Variants in TCF15 observed in about 807,000 individuals in gnomAD.
The protein encoded by TCF15 is TCF-15.
TCF15 carries 7 observed loss-of-function variants against 11.1 expected under a neutral mutation model. That is an observed-to-expected ratio of 0.63 (90% CI 0.36 to 1.19). TCF15 has a LOEUF of 1.19. Among genes scored for constraint, TCF15 ranks in the 50% most tolerant of loss-of-function variants. TCF15 has a pLI of 0.02. For synonymous variants in TCF15, 144 were observed against 138.9 expected (o/e 1.04, Z -0.26); for missense variants, 288 against 289.4 (o/e 1.00, Z 0.03).
chr20:609,692 C>A lies in TCF15; in HGVS notation c.525+21G>T, dbSNP rs2020005511. 7.5e-7 allele frequency: 1 copy of A among 1,339,280 alleles called. No individual in the cohort carries two copies. Among genetic ancestry groups the A allele is most frequent in the Non-Finnish European group, 9.5e-7 (1 of 1,053,512 alleles). The allele number at this position is 1,339,280 out of a possible 1,614,324, so 83.0% of individuals were successfully genotyped here. A position where few individuals can be genotyped will look rare whatever the true frequency, so the allele number is the denominator to read the frequency against. On this transcript the variant is annotated intron_variant, in intron 1 of 1. Transcript: ENST00000246080. The surrounding 1 kb of genome is among the most constrained non-coding windows in gnomAD (Gnocchi z 4.7). ...GCCTACCCCGACCTGGCGGCCGCAG[C>A]GAGGGACGCAGCACACTCACCCCCT...
Position 610,039 on chromosome 20 carries a change from G to C in TCF15, c.199C>G (p.Pro67Ala), listed in dbSNP as rs752704465. ...RRAGGGGGAGPVVVVRQRQAA... is the reference protein window; with the variant it reads ...RRAGGGGGAGAVVVVRQRQAA... ...TGCCGCTGTCGCACCACCACCACGG[G>C]GCCCGCGCCGCCGCCGCCGCCCGCC... Residue 67 changes from proline to alanine, a missense_variant, in exon 1 of 2, where the codon CCC becomes GCC. Coordinates refer to ENST00000246080, the MANE Select transcript of TCF15 (RefSeq NM_004609.4). 15 of 1,188,422 alleles carry C rather than the reference G, an allele frequency of 1.3e-5. 1 individual carries two copies. In the African/African-American group the frequency reaches 2.1e-4, roughly 17 times the overall value. 73.6% of individuals were successfully genotyped at this position (1,188,422 alleles called of 1,614,324 possible). A position where few individuals can be genotyped will look rare whatever the true frequency, so the allele number is the denominator to read the frequency against.
At position 609,759 on chromosome 20, in the gene TCF15, TG is replaced by T; in HGVS notation, c.478del (p.Gln160SerfsTer27). On this transcript the variant is annotated frameshift_variant, in exon 1 of 2. Transcript: ENST00000246080. LOFTEE classifies it high-confidence loss of function. The surrounding 1 kb of genome is among the most constrained non-coding windows in gnomAD (Gnocchi z 4.7). ...GCAGAAGGTGCAGATGGAGCGCGGC[TG>T]GCGGCCGCCGTCGGCGGCGGCGGGG... is the stretch of plus-strand genomic sequence containing the variant. The part of the protein sequence containing the change: ...AVPAAADGGR[Q>X]PRSICTFCLS... 1 of 1,405,292 alleles carries T rather than the reference TG, an allele frequency of 7.1e-7. No homozygotes were observed. The highest frequency in any genetic ancestry group is 1.6e-5 in the South Asian group (1 of 63,112). The allele number at this position is 1,405,292 out of a possible 1,614,324, so 87.1% of individuals were successfully genotyped here.
At position 609,888 on chromosome 20, in the gene TCF15, G is replaced by T; in HGVS notation, c.350C>A (p.Ala117Glu). Residue 117 changes from alanine (A) to glutamate (E), a missense_variant, in exon 1 of 2, where the codon GCG becomes GAG. Coordinates refer to ENST00000246080, the MANE Select transcript of TCF15 (RefSeq NM_004609.4). This position sits in a 1 kb window ranked among gnomAD's most constrained non-coding sequence, Gnocchi z 4.7. ...KLSKIETVRL[A>E]SSYIAHLANV... ...GGCCAGGTGCGCGATGTAGCTGGAC[G>T]CCAGGCGCACGGTCTCGATCTTGGA... 1 of 1,527,712 alleles carries T rather than the reference G, an allele frequency of 6.5e-7. No individual in the cohort carries two copies. Among genetic ancestry groups the T allele is most frequent in the Non-Finnish European group, 8.7e-7 (1 of 1,148,128 alleles). 94.6% of individuals were successfully genotyped at this position (1,527,712 alleles called of 1,614,324 possible). A position where few individuals can be genotyped will look rare whatever the true frequency, so the allele number is the denominator to read the frequency against.
At chr20:606,359 G>C (rs2019974956) in intron 1 of TCF15, among the ~76,000 whole-genome samples, 1 of 152,156 alleles carries the variant, frequency 6.6e-6, no homozygotes, top group South Asian at 2.1e-4. Flanking sequence ...CCCAAGTCTG[G>C]AGGTCAGCTG....
intron 1 of TCF15, among the ~76,000 whole-genome samples, chr20:607,114 T>G (rs1329484698): frequency 6.6e-6 from 1 of 152,198 alleles, no homozygotes. Context: ...TAAATGTTCA[T>G]AAGTATTATT....
chr20:607,472 C>G (rs550046900), intron 1 of TCF15, among the ~76,000 whole-genome samples: 10 of 152,346 alleles, frequency 6.6e-5, no homozygotes, highest in Admixed American at 3.3e-4. Flanking sequence ...GCAAGAGCTC[C>G]CCAAGCCAGC....
chr20:609,845 G>T lies in TCF15; in HGVS notation c.393C>A (p.Gly131=). The T allele has an allele frequency of 6.5e-7, 1 of 1,527,072 alleles. No individual in the cohort carries two copies. The allele number at this position is 1,527,072 out of a possible 1,614,324, so 94.6% of individuals were successfully genotyped here. ...ACGGCTGCCCGTCGTCGGCCGAGTC[G>T]CCCAGCAGCAGCACGTTGGCCAGGT... ...IAHLANVLLL[G]DSADDGQPCF... Residue 131 remains glycine (G), a synonymous_variant, in exon 1 of 2, where the codon GGC becomes GGA. Coordinates refer to ENST00000246080, the MANE Select transcript of TCF15 (RefSeq NM_004609.4). The surrounding 1 kb of genome is among the most constrained non-coding windows in gnomAD (Gnocchi z 4.7).
At position 607,413 on chromosome 20, in the gene TCF15, C is replaced by T. The variant is rs75719720; in HGVS notation, c.525+2300G>A. ...GAGGTGGTGGCTCAGGGTAAAGGAA[C>T]GGGGTCTTGGGTCTTAAAGCTCTTC... On this transcript the variant is annotated intron_variant, in intron 1 of 1. Transcript: ENST00000246080. 7.5e-3 allele frequency among the ~76,000 whole-genome samples: 1,143 copies of T among 152,296 alleles called. 10 individuals carry two copies. The highest frequency in any genetic ancestry group is 0.026 in the African/African-American group (1,072 of 41,560).
At chr20:605,295 CT>C in intron 1 of TCF15, among the ~76,000 whole-genome samples, 1 of 152,372 alleles carries the variant, frequency 6.6e-6, no homozygotes, top group Non-Finnish European at 1.5e-5. Flanking sequence ...GGTCCTCCCC[CT>C]GCCTGACTGC....
chr20:604,497 T>C lies in TCF15; in HGVS notation c.*94A>G. The C allele has an allele frequency of 1.7e-6, 2 of 1,164,442 alleles. No individual in the cohort carries two copies. Among genetic ancestry groups the C allele is most frequent in the Non-Finnish European group, 2.5e-6 (2 of 795,830 alleles). 72.1% of individuals were successfully genotyped at this position (1,164,442 alleles called of 1,614,324 possible). On this transcript the variant is annotated 3_prime_UTR_variant, in exon 2 of 2. Coordinates refer to ENST00000246080, the MANE Select transcript of TCF15 (RefSeq NM_004609.4). The surrounding 1 kb of genome is among the most constrained non-coding windows in gnomAD (Gnocchi z 4.2). Reference sequence around the variant, plus strand: ...CCCGGAACAGGCCATGGTCCCCCGGTCCCTACACAAAGAAGGGGTGGGCTT... The same window carrying C: ...CCCGGAACAGGCCATGGTCCCCCGGCCCCTACACAAAGAAGGGGTGGGCTT...
chr20:609,923 G>A lies in TCF15; in HGVS notation c.315C>T (p.Asp105=), dbSNP rs1386384386. Residue 105 remains aspartate, a synonymous_variant, in exon 1 of 2, where the codon GAC becomes GAT. Coordinates refer to ENST00000246080, the MANE Select transcript of TCF15 (RefSeq NM_004609.4). This position sits in a 1 kb window ranked among gnomAD's most constrained non-coding sequence, Gnocchi z 4.7. ...CGGTCTCGATCTTGGACAGCTTGCG[G>A]TCCACCGGCTCGGTGGGGATGAGCG... The part of the protein sequence containing the change: ...LRTLIPTEPV[D]RKLSKIETVR... 6.6e-6 allele frequency: 10 copies of A among 1,522,546 alleles called. No individual in the cohort carries two copies. In the South Asian group the frequency reaches 7.4e-5, roughly 11 times the overall value. 94.3% of individuals were successfully genotyped at this position (1,522,546 alleles called of 1,614,324 possible). A position where few individuals can be genotyped will look rare whatever the true frequency, so the allele number is the denominator to read the frequency against.
rs1157462416 is a variant in TCF15, at chr20:609,303, T to C, written c.525+410A>G. Among the ~76,000 whole-genome samples the C allele has an allele frequency of 6.6e-6, 1 of 152,064 alleles. No individual in the cohort carries two copies. The highest frequency in any genetic ancestry group is 6.5e-5 in the Admixed American group (1 of 15,270). ...TCTGATGCTCAGATCCTCATCAGGA[T>C]AAAATGGGCAGAAAAACTACCTGCC... On this transcript the variant is annotated intron_variant, in intron 1 of 1. Coordinates refer to ENST00000246080, the MANE Select transcript of TCF15 (RefSeq NM_004609.4). The surrounding 1 kb of genome is among the most constrained non-coding windows in gnomAD (Gnocchi z 4.7).
At position 609,402 on chromosome 20, in the gene TCF15, G is replaced by A. The variant is rs748710732; in HGVS notation, c.525+311C>T. ...ACAGAGGAAGACTCCATAAAAGATG[G>A]GTCTTTGTTACTCAGTCCTCATGCC... On this transcript the variant is annotated intron_variant, in intron 1 of 1. Coordinates refer to ENST00000246080, the MANE Select transcript of TCF15 (RefSeq NM_004609.4). The surrounding 1 kb of genome is among the most constrained non-coding windows in gnomAD (Gnocchi z 4.7). 1.3e-5 allele frequency among the ~76,000 whole-genome samples: 2 copies of A among 152,206 alleles called. No individual in the cohort carries two copies. The highest frequency in any genetic ancestry group is 4.8e-5 in the African/African-American group (2 of 41,438).
chr20:605,119 T>C (rs2019961805), intron 1 of TCF15, among the ~76,000 whole-genome samples: 1 of 152,196 alleles, frequency 6.6e-6, no homozygotes, highest in Non-Finnish European at 1.5e-5. Context: ...TCCTCCCGAG[T>C]AGCGGGGACT....
chr20:609,695 G>C lies in TCF15; in HGVS notation c.525+18C>G. 1.5e-6 allele frequency: 2 copies of C among 1,341,710 alleles called. No individual in the cohort carries two copies. The highest frequency in any genetic ancestry group is 1.9e-6 in the Non-Finnish European group (2 of 1,055,016). The allele number at this position is 1,341,710 out of a possible 1,614,324, so 83.1% of individuals were successfully genotyped here. A position where few individuals can be genotyped will look rare whatever the true frequency, so the allele number is the denominator to read the frequency against. On this transcript the variant is annotated intron_variant, in intron 1 of 1. Coordinates refer to ENST00000246080, the MANE Select transcript of TCF15 (RefSeq NM_004609.4). This position sits in a 1 kb window ranked among gnomAD's most constrained non-coding sequence, Gnocchi z 4.7. ...TACCCCGACCTGGCGGCCGCAGCGA[G>C]GGACGCAGCACACTCACCCCCTTGC...
chr20:610,251 G>A lies in TCF15; in HGVS notation c.-14C>T, dbSNP rs1171066522. 4 of 992,794 alleles carry A rather than the reference G, an allele frequency of 4.0e-6. No individual in the cohort carries two copies. The highest frequency in any genetic ancestry group is 1.8e-5 in the African/African-American group (1 of 57,030). The allele number at this position is 992,794 out of a possible 1,614,324, so 61.5% of individuals were successfully genotyped here. A position where few individuals can be genotyped will look rare whatever the true frequency, so the allele number is the denominator to read the frequency against. On this transcript the variant is annotated 5_prime_UTR_variant, in exon 1 of 2. The change creates a new upstream start codon in the 5' untranslated region. Transcript: ENST00000246080. ...CGCGAACGCCATGGGCGCCGGCCGC[G>A]TCCCTCCGTGCGCCGCGTCCCAGCG...
rs1555775337 is a variant in TCF15 at position 610,055 on chromosome 20, G to GC, written c.182dup (p.Gly62ArgfsTer119). Reference sequence around the variant, plus strand: ...CCACCACGGGGCCCGCGCCGCCGCCGCCGCCCGCCCGCCGCCCGCCCCCGG... The same window carrying GC: ...CCACCACGGGGCCCGCGCCGCCGCCGCCCGCCCGCCCGCCGCCCGCCCCCGG... On this transcript the variant is annotated frameshift_variant, in exon 1 of 2. Coordinates refer to ENST00000246080, the MANE Select transcript of TCF15 (RefSeq NM_004609.4). LOFTEE classifies it high-confidence loss of function. 4.5e-6 allele frequency: 5 copies of GC among 1,104,892 alleles called. No individual in the cohort carries two copies. The highest frequency in any genetic ancestry group is 2.2e-6 in the Non-Finnish European group (2 of 907,946). The allele number at this position is 1,104,892 out of a possible 1,614,324, so 68.4% of individuals were successfully genotyped here.
chr20:608,507 G>C (rs1159627601), intron 1 of TCF15, among the ~76,000 whole-genome samples: 3 of 152,252 alleles, frequency 2.0e-5, no homozygotes, highest in African/African-American at 7.2e-5. Flanking sequence ...AGGGACCCTG[G>C]AGAGGGCACA....
At chr20:606,399 A>T (rs991517360) in intron 1 of TCF15, among the ~76,000 whole-genome samples, 2 of 152,174 alleles carry the variant, frequency 1.3e-5, no homozygotes, top group Non-Finnish European at 2.9e-5. Context: ...GAATGCTGGG[A>T]CTGTTCACCT....
Sources: gnomAD v4.1 joint callset for allele counts (sites outside exome capture counted in the v4.1 genomes callset) on GRCh38, gnomAD v4.1.1 for gene constraint, Gnocchi (gnomAD v3.1) non-coding constraint, MANE v1.5 for transcripts, NCBI Gene and HGNC (gene_info 2026-07-23, HGNC 2026-07-21) for gene names.